IFT140: variants seen among roughly 807,000 people sequenced by gnomAD.
IFT140 encodes the protein intraflagellar transport 140.
A neutral mutation model predicts 164.6 loss-of-function variants in IFT140; 133 were observed. The observed-to-expected ratio is 0.81, with a 90% CI of 0.70 to 0.93. The LOEUF is 0.93. IFT140 is among the 40% of genes least tolerant of loss of function. The pLI, the probability that IFT140 is intolerant of heterozygous loss-of-function variation, is 0.00. For synonymous variants in IFT140, 860 were observed against 817.3 expected (o/e 1.05, Z -0.89); for missense variants, 2,045 against 1,972.3 (o/e 1.04, Z -0.70).
chr16:1,561,681 G>A (rs1345354388), intron 18 of IFT140, among the ~76,000 whole-genome samples: 1 of 152,224 alleles, frequency 6.6e-6, no homozygotes, highest in Admixed American at 6.5e-5. Context: ...AAAAGGCAAG[G>A]GGGAAGGGTG....
At chr16:1,522,578 C>T (rs927137241) in intron 26 of IFT140, among the ~76,000 whole-genome samples, 7 of 151,938 alleles carry the variant, frequency 4.6e-5, no homozygotes, top group East Asian at 3.9e-4. Flanking sequence ...TGGTGGCTCA[C>T]GCCTGTAATC....
At chr16:1,535,604 A>G (rs764236311) in intron 19 of IFT140, among the ~76,000 whole-genome samples, 81 of 152,154 alleles carry the variant, frequency 5.3e-4, no homozygotes, top group Non-Finnish European at 1.1e-3. Context: ...CCTCAACCAC[A>G]CAGCTCCATC....
intron 19 of IFT140, among the ~76,000 whole-genome samples, chr16:1,549,788 C>T (rs1162307584): frequency 6.6e-6 from 1 of 152,060 alleles, no homozygotes; most frequent in Non-Finnish European, 1.5e-5. Context: ...CAGGGTTGGC[C>T]TGCCCTGTTC....
At chr16:1,566,428 C>T in intron 15 of IFT140, 137 bp from the exon 16 acceptor site, 1 of 719,932 alleles carries the variant, frequency 1.4e-6, no homozygotes, top group Non-Finnish European at 2.3e-6. Context: ...ACTCATCTTC[C>T]AAGGACTAGC....
At chr16:1,560,119 C>G (rs147595541) in intron 18 of IFT140, among the ~76,000 whole-genome samples, 1 of 152,298 alleles carries the variant, frequency 6.6e-6, no homozygotes, top group Non-Finnish European at 1.5e-5. Context: ...AAACGTAAAG[C>G]CAGCATGAAA....
chr16:1,546,502 G>T (rs1190778693), intron 19 of IFT140, among the ~76,000 whole-genome samples: 2 of 152,302 alleles, frequency 1.3e-5, no homozygotes, highest in South Asian at 4.1e-4. Context: ...ATGTGCCCTC[G>T]TCAGCAATGC....
At chr16:1,592,844 C>T (rs182646339) in intron 4 of IFT140, among the ~76,000 whole-genome samples, 15 of 151,136 alleles carry the variant, frequency 9.9e-5, no homozygotes, top group African/African-American at 2.4e-4. Flanking sequence ...GGTACCCTGA[C>T]GGAGTCACTG....
rs431905520 is a variant in IFT140, at chr16:1,518,320, A to G, written c.4078T>C (p.Cys1360Arg). Residue 1360 changes from cysteine (C) to arginine (R), a missense_variant, in exon 30 of 31, where the codon TGT becomes CGT. By Grantham distance (180) the Cys-to-Arg change is radical. Transcript: ENST00000426508. The stretch of plus-strand genomic sequence containing the variant: ...TCTGGTTCCTCCAGGAGCAGCTCAC[A>G]CTGCTTGATGGACTCCTTGGGGTCC... ...TEDPKESIKQCELLLEEPDLD... is the reference protein window; with the variant it reads ...TEDPKESIKQRELLLEEPDLD... 6.2e-7 allele frequency: 1 copy of G among 1,613,940 alleles called. No individual in the cohort carries two copies. Among genetic ancestry groups the G allele is most frequent in the African/African-American group, 1.3e-5 (1 of 74,976 alleles).
chr16:1,545,248 T>A (rs1290579881), intron 19 of IFT140, among the ~76,000 whole-genome samples: 1 of 151,750 alleles, frequency 6.6e-6, no homozygotes, highest in Non-Finnish European at 1.5e-5. Flanking sequence ...TCTGACAAGG[T>A]TGGACCAGGC....
chr16:1,553,857 C>T lies in IFT140; in HGVS notation c.2399+4078G>A, dbSNP rs1439159257. 1.6e-6 allele frequency: 2 copies of T among 1,235,882 alleles called. No individual in the cohort carries two copies. Among genetic ancestry groups the T allele is most frequent in the African/African-American group, 3.1e-5 (2 of 64,054 alleles). The allele number at this position is 1,235,882 out of a possible 1,614,324, so 76.6% of individuals were successfully genotyped here. A position where few individuals can be genotyped will look rare whatever the true frequency, so the allele number is the denominator to read the frequency against. ...CGCTGCGGCCACAGTGTCCTGTTATCCTAGTTGGTAGACTCTAGTCACGAA... is the reference window on the plus strand; with the variant it reads ...CGCTGCGGCCACAGTGTCCTGTTATTCTAGTTGGTAGACTCTAGTCACGAA... On this transcript the variant is annotated intron_variant, in intron 19 of 30. Transcript: ENST00000426508. The surrounding 1 kb of genome is among the most constrained non-coding windows in gnomAD (Gnocchi z 4.4).
chr16:1,540,979 C>T, intron 19 of IFT140: 3 of 985,132 alleles, frequency 3.0e-6, no homozygotes, highest in Non-Finnish European at 3.6e-6. Flanking sequence ...TTCACCACCA[C>T]CTCATTTGGG....
intron 13 of IFT140, chr16:1,577,377 A>G (rs948046628): frequency 2.0e-5 from 3 of 152,212 alleles, no homozygotes; most frequent in African/African-American, 7.2e-5. Context: ...GTAAGAATGC[A>G]CTATGTAATA....
At chr16:1,569,008 T>C (rs1339980260) in intron 14 of IFT140, among the ~76,000 whole-genome samples, 1 of 149,736 alleles carries the variant, frequency 6.7e-6, no homozygotes, top group Non-Finnish European at 1.5e-5. Context: ...AGCTTGTTTT[T>C]TTTTTTTTTT....
At position 1,520,006 on chromosome 16, in the gene IFT140, C is replaced by T. The variant is rs1567322605; in HGVS notation, c.3915G>A (p.Gly1305=). The T allele has an allele frequency of 5.0e-6, 8 of 1,603,406 alleles. No homozygotes were observed. In the South Asian group the frequency reaches 8.9e-5, roughly 18 times the overall value. The change falls in exon 29 of 31, where the codon GGG becomes GGA. Residue 1305 remains glycine, a synonymous_variant. Transcript: ENST00000426508. ...GGCACTTGTAGGCCTCGGTCAGCGCCCCGTGGGCTTTGTCGTAGTTCTGGT... is the reference window on the plus strand; with the variant it reads ...GGCACTTGTAGGCCTCGGTCAGCGCTCCGTGGGCTTTGTCGTAGTTCTGGT... ...DEYQNYDKAH[G]ALTEAYKCLA... is the part of the protein sequence containing the mutation.
intron 7 of IFT140, 69 bp from the exon 8 acceptor site, chr16:1,588,093 T>G: frequency 7.8e-7 from 1 of 1,274,410 alleles, no homozygotes; most frequent in Non-Finnish European, 1.1e-6. Context: ...TTCAGGAGCC[T>G]GGAGTCTCTG....
chr16:1,529,443 A>G (rs1019180108), intron 19 of IFT140, among the ~76,000 whole-genome samples: 11 of 152,216 alleles, frequency 7.2e-5, no homozygotes, highest in African/African-American at 2.4e-4. Flanking sequence ...CTGGACGCTC[A>G]GTCGGCGCTG....
chr16:1,588,080 G>A (rs1043004723), intron 7 of IFT140, 56 bp from the exon 8 acceptor site: 11 of 1,460,494 alleles, frequency 7.5e-6, no homozygotes, highest in South Asian at 5.9e-5. Flanking sequence ...GGCCTGTCCC[G>A]GCTTCAGGAG....
intron 19 of IFT140, chr16:1,555,289 G>A (rs1292515679): frequency 4.2e-6 from 2 of 470,710 alleles, no homozygotes; most frequent in Non-Finnish European, 7.6e-6. Context: ...GCACTTCAGG[G>A]TGGAAGCTGG....
At chr16:1,602,017 C>T (rs1189396167) in intron 4 of IFT140, among the ~76,000 whole-genome samples, 1 of 152,238 alleles carries the variant, frequency 6.6e-6, no homozygotes, top group Non-Finnish European at 1.5e-5. Flanking sequence ...ATTGTGACAA[C>T]AGAAAATGTG....
Sources: gnomAD v4.1 joint callset for allele counts (sites outside exome capture counted in the v4.1 genomes callset) on GRCh38, gnomAD v4.1.1 for gene constraint, Gnocchi (gnomAD v3.1) non-coding constraint, MANE v1.5 for transcripts, NCBI Gene and HGNC (gene_info 2026-07-23, HGNC 2026-07-21) for gene names.